The following IMMP2L variants were observed in gnomAD, a reference collection of about 807,000 sequenced individuals.
The protein encoded by IMMP2L is mitochondrial inner membrane protease subunit 2.
Under a neutral mutation model 19.3 loss-of-function variants are expected in IMMP2L, and 18 were observed. That is an observed-to-expected ratio of 0.93 (90% confidence interval 0.64 to 1.38). The LOEUF (loss-of-function observed/expected upper bound fraction) is 1.38. Ranked by LOEUF, IMMP2L falls within the 40% of genes most tolerant of loss-of-function variation. The pLI, the probability that IMMP2L is intolerant of heterozygous loss-of-function variation, is 0.00. For missense variants in IMMP2L, 233 were observed against 218.2 expected (o/e 1.07, Z -0.43); for synonymous variants, 76 against 73.0 (o/e 1.04, Z -0.21).
At chr7:110,721,554 AAAACAAAAAAACACAC>A (rs1795568392) in intron 5 of IMMP2L, among the ~76,000 whole-genome samples, 2 of 152,122 alleles carry the variant, frequency 1.3e-5, no homozygotes, top group South Asian at 2.1e-4. Flanking sequence ...AAACAAACAA[AAAACAAAAAAACACAC>A]AAACAAAAAA....
intron 3 of IMMP2L, among the ~76,000 whole-genome samples, chr7:111,309,943 A>C (rs910577155): frequency 6.6e-6 from 1 of 152,078 alleles, no homozygotes; most frequent in African/African-American, 2.4e-5. Flanking sequence ...TTGTGCATTA[A>C]TAACATTCTG....
chr7:111,405,289 C>T (rs115528248), intron 3 of IMMP2L, among the ~76,000 whole-genome samples: 3,003 of 152,054 alleles, frequency 0.02, 100 homozygotes, highest in African/African-American at 0.069. Context: ...TTACTGCTCC[C>T]AAGTATACAG....
chr7:111,511,546 G>A (rs967973190), intron 2 of IMMP2L, among the ~76,000 whole-genome samples: 4 of 151,742 alleles, frequency 2.6e-5, no homozygotes, highest in African/African-American at 9.7e-5. Flanking sequence ...CTACTCAGGG[G>A]GCTGAGGCAC....
intron 5 of IMMP2L, among the ~76,000 whole-genome samples, chr7:110,751,691 A>G (rs1478166608): frequency 6.6e-6 from 1 of 152,038 alleles, no homozygotes; most frequent in East Asian, 1.9e-4. Flanking sequence ...ATGACTAAAG[A>G]TAGGTTTGTT....
At position 110,758,800 on chromosome 7, in the gene IMMP2L, T is replaced by C. The variant is rs1262808007; in HGVS notation, c.409-95079A>G. 1.3e-5 allele frequency among the ~76,000 whole-genome samples: 2 copies of C among 152,182 alleles called. No homozygotes were observed. The highest frequency in any genetic ancestry group is 3.9e-4 in the East Asian group (2 of 5,152). On this transcript the variant is annotated intron_variant, in intron 5 of 5. Transcript: ENST00000405709. This position sits in a 1 kb window ranked among gnomAD's most constrained non-coding sequence, Gnocchi z 4.6. ...AATTATAAAACGTAGTAACTACTGG[T>C]CATTGCAGTGCCTGGAAAATTAATG... is the stretch of plus-strand genomic sequence containing the variant.
chr7:111,023,766 T>A (rs567899441), intron 3 of IMMP2L, among the ~76,000 whole-genome samples: 3 of 152,112 alleles, frequency 2.0e-5, no homozygotes, highest in Non-Finnish European at 4.4e-5. Context: ...ATTCTTAAAC[T>A]TCATGAATGA....
chr7:111,363,643 C>G (rs1252179854), intron 3 of IMMP2L, among the ~76,000 whole-genome samples: 2 of 151,966 alleles, frequency 1.3e-5, no homozygotes, highest in East Asian at 3.9e-4. Flanking sequence ...CGGTCTTTCC[C>G]CCCTTCAATC....
At chr7:110,687,227 C>T (rs775721053) in intron 5 of IMMP2L, among the ~76,000 whole-genome samples, 2 of 152,082 alleles carry the variant, frequency 1.3e-5, no homozygotes, top group African/African-American at 2.4e-5. Context: ...TTCTACCCAT[C>T]TCTCAACATC....
At chr7:111,389,126 C>T (rs1343170834) in intron 3 of IMMP2L, among the ~76,000 whole-genome samples, 1 of 152,062 alleles carries the variant, frequency 6.6e-6, no homozygotes, top group African/African-American at 2.4e-5. Context: ...ACATGAGGAA[C>T]TGAGAACATA....
chr7:110,849,832 A>ATAAATAAAT (rs1806019529), intron 5 of IMMP2L, among the ~76,000 whole-genome samples: 2 of 152,124 alleles, frequency 1.3e-5, no homozygotes, highest in African/African-American at 2.4e-5. Flanking sequence ...AGAAAGGTAG[A>ATAAATAAAT]AAAGATTCAT....
At chr7:111,349,119 T>G (rs1448768120) in intron 3 of IMMP2L, among the ~76,000 whole-genome samples, 1 of 152,116 alleles carries the variant, frequency 6.6e-6, no homozygotes, top group Non-Finnish European at 1.5e-5. Context: ...ATTTCAGAGC[T>G]CAAACTACAT....
At chr7:111,033,366 C>T (rs564620465) in intron 3 of IMMP2L, among the ~76,000 whole-genome samples, 2 of 152,136 alleles carry the variant, frequency 1.3e-5, no homozygotes, top group South Asian at 4.1e-4. Flanking sequence ...TCACTCATTG[C>T]TGGTGGGAAT....
intron 3 of IMMP2L, among the ~76,000 whole-genome samples, chr7:111,296,590 G>A (rs1821663804): frequency 6.6e-6 from 1 of 151,604 alleles, no homozygotes; most frequent in South Asian, 2.1e-4. Flanking sequence ...AAATGGTACA[G>A]CCACCCCAGA....
chr7:111,482,889 A>G (rs1262086264), intron 3 of IMMP2L, among the ~76,000 whole-genome samples: 1 of 152,176 alleles, frequency 6.6e-6, no homozygotes, highest in Non-Finnish European at 1.5e-5. Flanking sequence ...AGTACCCTTC[A>G]AAAGTGTCAA....
intron 3 of IMMP2L, among the ~76,000 whole-genome samples, chr7:111,209,801 A>G (rs1159294452): frequency 2.0e-5 from 3 of 152,136 alleles, no homozygotes; most frequent in African/African-American, 7.3e-5. Context: ...AACTGCCCAG[A>G]AAGAGGTGGG....
intron 5 of IMMP2L, among the ~76,000 whole-genome samples, chr7:110,755,269 C>A (rs982492195): frequency 6.6e-6 from 1 of 152,010 alleles, no homozygotes; most frequent in Non-Finnish European, 1.5e-5. Context: ...ACAACAATTA[C>A]AAACTACTAC....
At chr7:111,040,429 AC>A (rs1278082726) in intron 3 of IMMP2L, among the ~76,000 whole-genome samples, 5 of 152,038 alleles carry the variant, frequency 3.3e-5, no homozygotes, top group Non-Finnish European at 7.4e-5. Context: ...TGAAGCAAAT[AC>A]CCAGTTTAGG....
chr7:111,019,952 C>T (rs563319659), intron 3 of IMMP2L, among the ~76,000 whole-genome samples: 4 of 152,044 alleles, frequency 2.6e-5, no homozygotes, highest in Admixed American at 6.6e-5. Context: ...GAAGCATTTC[C>T]GGATCACCAG....
chr7:111,451,703 A>C (rs1001016065), intron 3 of IMMP2L, among the ~76,000 whole-genome samples: 1 of 148,962 alleles, frequency 6.7e-6, no homozygotes, highest in Non-Finnish European at 1.5e-5. Flanking sequence ...CCTAAAACTT[A>C]AAGTATAATT....
Sources: gnomAD v4.1 joint callset for allele counts (sites outside exome capture counted in the v4.1 genomes callset) on GRCh38, gnomAD v4.1.1 for gene constraint, Gnocchi (gnomAD v3.1) non-coding constraint, MANE v1.5 for transcripts, NCBI Gene and HGNC (gene_info 2026-07-23, HGNC 2026-07-21) for gene names.